Variants in LTBP1 observed in about 807,000 individuals in gnomAD.
LTBP1 encodes latent-transforming growth factor beta-binding protein 1.
Under a neutral mutation model 207.6 loss-of-function variants are expected in LTBP1, and 129 were observed. The ratio of observed to expected loss-of-function variants is 0.62; its 90% confidence interval spans 0.54 to 0.72. The LOEUF (loss-of-function observed/expected upper bound fraction) is 0.72, where lower values mean the gene tolerates loss of function less well. LTBP1 is among the 30% of genes least tolerant of loss of function. The pLI is 0.00. For missense variants in LTBP1, 2,281 were observed against 2,217.2 expected (o/e 1.03, Z -0.58); for synonymous variants, 963 against 833.7 (o/e 1.16, Z -2.67).
rs757185386 is a variant in LTBP1, at chr2:33,134,700, C to CT, written c.1034-86dup. On this transcript the variant is annotated intron_variant, in intron 4 of 33. Transcript: ENST00000404816. The surrounding 1 kb of genome is among the most constrained non-coding windows in gnomAD (Gnocchi z 4.4). The stretch of plus-strand genomic sequence containing the variant: ...TTTTCCCCTCTTGCTCCTTTCTTTT[C>CT]TTTTTTTCTGTTTTTTTAAACCTTC... The CT allele has an allele frequency of 1.6e-5, 26 of 1,606,614 alleles. No homozygotes were observed. The highest frequency in any genetic ancestry group is 2.2e-5 in the Non-Finnish European group (26 of 1,177,724).
chr2:33,162,311 T>C (rs1348100013), intron 5 of LTBP1, among the ~76,000 whole-genome samples: 1 of 152,264 alleles, frequency 6.6e-6, no homozygotes, highest in African/African-American at 2.4e-5. Context: ...TAAAAATTAG[T>C]TCTTCCTTAA....
chr2:33,052,490 C>T (rs945151808), intron 3 of LTBP1, among the ~76,000 whole-genome samples: 8 of 152,072 alleles, frequency 5.3e-5, no homozygotes, highest in South Asian at 2.1e-4. Context: ...TTTTAAAAAC[C>T]GAAATAATTA....
At chr2:33,021,333 CCTTT>C (rs2075156346) in intron 3 of LTBP1, 127 bp downstream of exon 3, 1 of 928,270 alleles carries the variant, frequency 1.1e-6, no homozygotes, top group East Asian at 2.6e-5. Context: ...GTTTTTCTTT[CCTTT>C]CTTAAGGCTT....
Position 32,947,545 on chromosome 2 carries a change from G to T in LTBP1, c.221G>T (p.Arg74Leu). 1.4e-6 allele frequency: 2 copies of T among 1,382,598 alleles called. No individual in the cohort carries two copies. The highest frequency in any genetic ancestry group is 1.9e-6 in the Non-Finnish European group (2 of 1,070,364). 85.6% of individuals were successfully genotyped at this position (1,382,598 alleles called of 1,614,324 possible). ...RSSAAAGAPS[R>L]ASPGVPSERT... ...TCGGCGGCTGCCGGCGCCCCCAGCC[G>T]TGCCTCCCCCGGGGTCCCCTCGGAG... The change falls in exon 1 of 34, where the codon CGT becomes CTT. Residue 74 changes from arginine (R) to leucine (L), a missense_variant. Physicochemically the swap from Arg to Leu is moderately radical, Grantham distance 102. Around this residue, in one of 3 missense-constraint regions of LTBP1, gnomAD observed 555 missense variants for 491.0 expected, o/e 1.13. Transcript: ENST00000404816.
chr2:33,269,092 T>A (rs567918555), intron 15 of LTBP1, among the ~76,000 whole-genome samples: 13 of 145,602 alleles, frequency 8.9e-5, no homozygotes, highest in Non-Finnish European at 2.0e-4. Flanking sequence ...GCTTTAGTAT[T>A]TCCAGACTCC....
chr2:32,964,555 C>T (rs991056428), intron 2 of LTBP1, among the ~76,000 whole-genome samples: 1 of 151,320 alleles, frequency 6.6e-6, no homozygotes, highest in Non-Finnish European at 1.5e-5. Context: ...TTTTTTTCTT[C>T]CCAGTGCCAG....
At chr2:33,078,727 A>G (rs1339264464) in intron 3 of LTBP1, among the ~76,000 whole-genome samples, 1 of 152,210 alleles carries the variant, frequency 6.6e-6, no homozygotes, top group Admixed American at 6.5e-5. Flanking sequence ...GAAATTTAAG[A>G]GTGGCATATC....
At chr2:33,144,682 GAT>G (rs1429145342) in intron 5 of LTBP1, among the ~76,000 whole-genome samples, 1 of 152,144 alleles carries the variant, frequency 6.6e-6, no homozygotes, top group Non-Finnish European at 1.5e-5. Flanking sequence ...ACTTAAAATA[GAT>G]ATTTGTAATC....
Position 33,243,711 on chromosome 2 carries a change from G to C in LTBP1, c.1926G>C (p.Leu642Phe). The change falls in exon 10 of 34, where the codon TTG becomes TTC. Residue 642 changes from leucine (L) to phenylalanine (F), a missense_variant. Transcript: ENST00000404816. ...GTGTATGCCCTAATGGTGAGTGTTT[G>C]AATACCATGGGCAGCTATCGATGTA... ...LQGVCPNGEC[L>F]NTMGSYRCTC... is the part of the protein sequence containing the mutation. 1 of 1,613,768 alleles carries C rather than the reference G, an allele frequency of 6.2e-7. No individual in the cohort carries two copies.
At chr2:33,050,769 T>C (rs1257098441) in intron 3 of LTBP1, among the ~76,000 whole-genome samples, 1 of 151,682 alleles carries the variant, frequency 6.6e-6, no homozygotes, top group East Asian at 1.9e-4. Context: ...AGTCTCGCTC[T>C]GTTGCCCAGG....
chr2:33,212,832 G>A (rs758237926), intron 7 of LTBP1, among the ~76,000 whole-genome samples: 3 of 152,188 alleles, frequency 2.0e-5, no homozygotes, highest in Admixed American at 6.5e-5. Context: ...GAACAATTTA[G>A]ATTTTGTACT....
At position 33,363,387 on chromosome 2, in the gene LTBP1, T is replaced by C; in HGVS notation, c.4271-3T>C. The C allele has an allele frequency of 1.9e-6, 3 of 1,613,452 alleles. No homozygotes were observed. The highest frequency in any genetic ancestry group is 2.5e-6 in the Non-Finnish European group (3 of 1,179,558). The stretch of plus-strand genomic sequence containing the variant: ...TTGTATTTCTCAATTTTTTTCCCCG[T>C]AGATGCAGATGAATGCCTACTTTTT... On this transcript the variant is annotated splice_polypyrimidine_tract_variant and splice_region_variant and intron_variant, in intron 28 of 33. Coordinates refer to ENST00000404816, the MANE Select transcript of LTBP1 (RefSeq NM_206943.4).
chr2:33,152,633 G>C (rs1297497487), intron 5 of LTBP1, among the ~76,000 whole-genome samples: 1 of 152,160 alleles, frequency 6.6e-6, no homozygotes, highest in Non-Finnish European at 1.5e-5. Context: ...AATAAAGTAA[G>C]AGCCATACTA....
At chr2:33,181,813 G>A (rs563249651) in intron 5 of LTBP1, among the ~76,000 whole-genome samples, 6 of 152,216 alleles carry the variant, frequency 3.9e-5, no homozygotes, top group African/African-American at 1.4e-4. Flanking sequence ...GATGTTCTGA[G>A]GTTTTATAGA....
chr2:33,172,870 A>G (rs2085605637), intron 5 of LTBP1, among the ~76,000 whole-genome samples: 3 of 152,188 alleles, frequency 2.0e-5, no homozygotes, highest in African/African-American at 7.2e-5. Context: ...CTGCTCAACT[A>G]CATGGAAACT....
chr2:33,158,134 T>A, intron 5 of LTBP1, among the ~76,000 whole-genome samples: 1 of 99,632 alleles, frequency 1.0e-5, no homozygotes, highest in East Asian at 3.2e-4. Flanking sequence ...GAAACTCTTG[T>A]CTCAAAAAAA....
intron 3 of LTBP1, among the ~76,000 whole-genome samples, chr2:33,099,835 G>GT (rs1345676742): frequency 1.3e-5 from 2 of 152,152 alleles, no homozygotes; most frequent in African/African-American, 4.8e-5. Context: ...GTGCTGGCTA[G>GT]TAAGAGGGAA....
At chr2:33,348,991 T>A (rs992466038) in intron 26 of LTBP1, among the ~76,000 whole-genome samples, 2 of 152,182 alleles carry the variant, frequency 1.3e-5, no homozygotes, top group Non-Finnish European at 1.5e-5. Flanking sequence ...TTAAAAAATT[T>A]TCTAGCAGTA....
intron 9 of LTBP1, among the ~76,000 whole-genome samples, chr2:33,232,168 A>AC (rs2091828336): frequency 6.6e-6 from 1 of 152,158 alleles, no homozygotes; most frequent in Admixed American, 6.5e-5. Context: ...GATCAGGGTG[A>AC]CCAGACATTA....
Sources: allele counts gnomAD v4.1 joint callset (sites outside exome capture counted in the v4.1 genomes callset), GRCh38; gene constraint gnomAD v4.1.1; regional missense constraint gnomAD v4.1.1; non-coding constraint Gnocchi (gnomAD v3.1); transcripts MANE v1.5; gene names NCBI Gene and HGNC (gene_info 2026-07-23, HGNC 2026-07-21).